The following HYDIN variants were observed in gnomAD, a reference collection of about 807,000 sequenced individuals.
HYDIN encodes axonemal central pair apparatus protein HYDIN.
A neutral mutation model predicts 403.9 loss-of-function variants in HYDIN; 132 were observed. The observed-to-expected ratio is 0.33, with a 90% confidence interval of 0.28 to 0.38. The LOEUF (loss-of-function observed/expected upper bound fraction) is 0.38, where lower values mean the gene tolerates loss of function less well. Ranked by LOEUF, HYDIN falls within the 10% of genes least tolerant of loss-of-function variation. HYDIN has a pLI of 1.00. For synonymous variants in HYDIN, 1,202 were observed against 1,891.7 expected, an observed-to-expected ratio of 0.64 and a Z score of 9.46; for missense variants, 2,827 against 5,009.5, an observed-to-expected ratio of 0.56 and a Z score of 13.15.
intron 65 of HYDIN, among the ~76,000 whole-genome samples, chr16:70,871,250 T>C (rs2040077981): frequency 6.6e-6 from 1 of 151,946 alleles, no homozygotes; most frequent in Non-Finnish European, 1.5e-5. Flanking sequence ...TTATCCCTAA[T>C]AGCGCTCAAA....
At chr16:71,046,618 A>G (rs1375836201) in intron 18 of HYDIN, among the ~76,000 whole-genome samples, 2 of 152,220 alleles carry the variant, frequency 1.3e-5, no homozygotes, top group Admixed American at 6.5e-5. Context: ...ACACTTCTTC[A>G]GTCTCTGTCC....
In HYDIN at chr16:70,829,608, C is replaced by T; in HGVS notation, c.14112+10G>A. On this transcript the variant is annotated intron_variant, in intron 81 of 85. Transcript: ENST00000393567. The stretch of plus-strand genomic sequence containing the variant: ...AGGAAACCAATGGGGGTGGGGGGAC[C>T]TCAGTCTACCTGGTGCTTGCGGTTC... The T allele has an allele frequency of 1.2e-6, 2 of 1,611,580 alleles. No individual in the cohort carries two copies. The highest frequency in any genetic ancestry group is 1.7e-6 in the Non-Finnish European group (2 of 1,178,822).
At chr16:71,158,599 A>C (rs1263172932) in intron 6 of HYDIN, among the ~76,000 whole-genome samples, 2 of 151,580 alleles carry the variant, frequency 1.3e-5, no homozygotes, top group Admixed American at 6.6e-5. Flanking sequence ...CATAGAAAAA[A>C]AAAAATACCA....
intron 21 of HYDIN, among the ~76,000 whole-genome samples, chr16:71,022,493 AG>A (rs1260649731): frequency 6.6e-6 from 1 of 152,226 alleles, no homozygotes; most frequent in East Asian, 1.9e-4. Context: ...TTCTTCCTAT[AG>A]ACAGGGTTGT....
At chr16:71,176,033 C>T (rs940390178) in intron 4 of HYDIN, among the ~76,000 whole-genome samples, 7 of 152,146 alleles carry the variant, frequency 4.6e-5, no homozygotes, top group East Asian at 1.9e-4. Flanking sequence ...ATCAGCCAGG[C>T]GCAGTGGCTC....
rs536957651 is a variant in HYDIN at position 71,175,206 on chromosome 16, CAAT to C, written c.516+398_516+400del. On this transcript the variant is annotated intron_variant, in intron 5 of 85. Transcript: ENST00000393567. ...CCACCACTACCACTATCAATGACAA[CAAT>C]ATTACCACCAACTACACTACCATAC... Among the ~76,000 whole-genome samples, 26 of 151,576 alleles carry C rather than the reference CAAT, an allele frequency of 1.7e-4. No homozygotes were observed. The East Asian group carries it at 4.3e-3, about 25-fold the overall frequency.
At chr16:71,041,616 A>G (rs537733817) in intron 18 of HYDIN, among the ~76,000 whole-genome samples, 1 of 152,306 alleles carries the variant, frequency 6.6e-6, no homozygotes, top group South Asian at 2.1e-4. Context: ...TGGTAACAAA[A>G]TAGTATTGTC....
chr16:70,872,862 C>G (rs1597183911), intron 64 of HYDIN, among the ~76,000 whole-genome samples: 2 of 151,300 alleles, frequency 1.3e-5, no homozygotes, highest in Non-Finnish European at 1.5e-5. Context: ...CCCATCCATC[C>G]ATCCATCATC....
At chr16:70,860,366 C>T (rs1225285962) in intron 70 of HYDIN, among the ~76,000 whole-genome samples, 160 bp from the exon 71 acceptor site, 11 of 144,200 alleles carry the variant, frequency 7.6e-5, no homozygotes, top group East Asian at 1.9e-4. Flanking sequence ...TCTCCTCTAG[C>T]GATCCACAGT....
In HYDIN at chr16:70,865,859, G is replaced by A. The variant is rs534968336; in HGVS notation, c.11471+310C>T. Among the ~76,000 whole-genome samples, 10 of 152,318 alleles carry A rather than the reference G, an allele frequency of 6.6e-5. No homozygotes were observed. In the South Asian group the frequency reaches 2.1e-3, roughly 32 times the overall value. On this transcript the variant is annotated intron_variant, in intron 67 of 85. Coordinates refer to ENST00000393567, the MANE Select transcript of HYDIN (RefSeq NM_001270974.2). ...TGTCTGGGTTACCACTTGGTGCATG[G>A]GCAAAAAGAACAGATCCTGGGTGGC...
intron 18 of HYDIN, among the ~76,000 whole-genome samples, chr16:71,053,904 T>G (rs1453576730): frequency 6.6e-6 from 1 of 152,304 alleles, no homozygotes; most frequent in African/African-American, 2.4e-5. Flanking sequence ...ATATACATAG[T>G]GTCTGACCTC....
intron 1 of HYDIN, among the ~76,000 whole-genome samples, chr16:71,212,986 G>C (rs565013372): frequency 6.6e-6 from 1 of 152,240 alleles, no homozygotes; most frequent in East Asian, 1.9e-4. Context: ...TAGATTGGGA[G>C]CTAACTTCTC....
chr16:71,039,972 A>G (rs1263258157), intron 18 of HYDIN, among the ~76,000 whole-genome samples: 2 of 152,136 alleles, frequency 1.3e-5, no homozygotes, highest in African/African-American at 4.8e-5. Flanking sequence ...CAGCACTGTA[A>G]CACACCCTCT....
chr16:71,017,313 G>A (rs1215827925), intron 23 of HYDIN, among the ~76,000 whole-genome samples: 5 of 147,058 alleles, frequency 3.4e-5, no homozygotes, highest in African/African-American at 1.3e-4. Context: ...TAGCGCCACT[G>A]CACTCCAGCC....
In HYDIN at chr16:71,137,164, T is replaced by A. The variant is rs553497343; in HGVS notation, c.1030A>T (p.Arg344Ter). The change falls in exon 8 of 86, where the codon AGA becomes TGA. Residue 344 changes from arginine (R) to a stop codon, truncating the protein, a stop_gained. Transcript: ENST00000393567. LOFTEE classifies it high-confidence loss of function. ...TTTGTTACAGACCTATATTTTTCTC[T>A]GTCCTCTTCTTGCTGGGTAGCAAAT... ...KVFATQQEED[R>*]EKYRACDDLI... 7 of 619,342 alleles carry A rather than the reference T, an allele frequency of 1.1e-5. No homozygotes were observed. In the Admixed American group the frequency reaches 1.7e-4, roughly 15 times the overall value. The allele number at this position is 619,342 out of a possible 1,614,324, so 38.4% of individuals were successfully genotyped here.
At chr16:70,930,917 C>G (rs2077301565) in intron 45 of HYDIN, among the ~76,000 whole-genome samples, 1 of 152,098 alleles carries the variant, frequency 6.6e-6, no homozygotes, top group Non-Finnish European at 1.5e-5. Flanking sequence ...GAAACTGTGA[C>G]AAATTCTCAA....
At chr16:71,085,560 C>T (rs146013215) in intron 12 of HYDIN, among the ~76,000 whole-genome samples, 197 of 152,044 alleles carry the variant, frequency 1.3e-3, no homozygotes, top group African/African-American at 4.5e-3. Context: ...GGGGTATTGA[C>T]ATCCCCTACT....
chr16:71,092,362 C>T (rs2083135094), intron 11 of HYDIN, among the ~76,000 whole-genome samples: 1 of 152,168 alleles, frequency 6.6e-6, no homozygotes, highest in Admixed American at 6.5e-5. Flanking sequence ...GAAGAGAGCA[C>T]CTGCTCACTA....
intron 23 of HYDIN, among the ~76,000 whole-genome samples, chr16:70,996,130 C>T (rs1456335894): frequency 2.0e-5 from 3 of 151,744 alleles, no homozygotes. Flanking sequence ...CACTCCAAAG[C>T]TCCCCACGGG....
Sources: allele counts gnomAD v4.1 joint callset (sites outside exome capture counted in the v4.1 genomes callset), GRCh38; gene constraint gnomAD v4.1.1; transcripts MANE v1.5; gene names NCBI Gene and HGNC (gene_info 2026-07-23, HGNC 2026-07-21).